Variants in PHF21B observed in about 807,000 individuals in gnomAD.
The protein encoded by PHF21B is PHD finger protein 21B, also known as PHD finger protein 4.
A neutral mutation model predicts 62.2 loss-of-function variants in PHF21B; 22 were observed. The observed-to-expected ratio is 0.35, with a 90% CI of 0.25 to 0.51. The LOEUF (loss-of-function observed/expected upper bound fraction) is 0.51, where lower values mean the gene tolerates loss of function less well. PHF21B is among the 20% of genes least tolerant of loss of function. The pLI, the probability that PHF21B is intolerant of heterozygous loss-of-function variation, is 0.97. For synonymous variants in PHF21B, 341 were observed against 314.7 expected, an observed-to-expected ratio of 1.08 and a Z score of -0.88; for missense variants, 701 against 707.9, an observed-to-expected ratio of 0.99 and a Z score of 0.11.
rs2073367683 is a variant in PHF21B, at chr22:45,008,525, G to A, written c.120+20C>T. ...ACCCTCCCGCCCCATCCCAGGGGGG[G>A]CCGCGATCCCATCGCTTACTTGTTT... On this transcript the variant is annotated intron_variant, in intron 2 of 12. Coordinates refer to ENST00000313237, the MANE Select transcript of PHF21B (RefSeq NM_138415.5). 5 of 1,557,974 alleles carry A rather than the reference G, an allele frequency of 3.2e-6. No homozygotes were observed. Among genetic ancestry groups the A allele is most frequent in the African/African-American group, 2.7e-5 (2 of 73,828 alleles).
chr22:44,917,886 G>C (rs1212101263), intron 3 of PHF21B, among the ~76,000 whole-genome samples: 1 of 152,200 alleles, frequency 6.6e-6, no homozygotes, highest in African/African-American at 2.4e-5. Flanking sequence ...CCAGTGCCTG[G>C]CACAGAGCTG....
At chr22:44,937,905 G>A (rs147650235) in intron 2 of PHF21B, among the ~76,000 whole-genome samples, 128 of 152,374 alleles carry the variant, frequency 8.4e-4, no homozygotes, top group African/African-American at 3.0e-3. Context: ...TCTCAACAGC[G>A]GGTGCTCTGC....
intron 2 of PHF21B, chr22:45,002,910 G>A (rs2073245810): frequency 6.6e-6 from 1 of 152,232 alleles, no homozygotes; most frequent in African/African-American, 2.4e-5. Context: ...TGACAAGCTT[G>A]GCCACCATCC....
At chr22:45,008,243 G>A (rs1460390409) in intron 2 of PHF21B, 4 of 258,740 alleles carry the variant, frequency 1.5e-5, no homozygotes, top group Non-Finnish European at 2.2e-5. Flanking sequence ...ACTCCGAGCC[G>A]GGAGAAATCG....
At chr22:45,000,674 T>C (rs2073199466) in intron 2 of PHF21B, 2 of 151,950 alleles carry the variant, frequency 1.3e-5, no homozygotes, top group South Asian at 2.1e-4. Flanking sequence ...CTCTTTGGAG[T>C]GGCTGATGCA....
At chr22:44,897,299 T>C (rs2071078293) in intron 5 of PHF21B, among the ~76,000 whole-genome samples, 1 of 152,128 alleles carries the variant, frequency 6.6e-6, no homozygotes, top group Non-Finnish European at 1.5e-5. Context: ...CCCGAGCCCC[T>C]ACCCTGCGGT....
chr22:44,928,271 C>T (rs763201070), intron 2 of PHF21B, among the ~76,000 whole-genome samples: 3 of 152,142 alleles, frequency 2.0e-5, no homozygotes, highest in Admixed American at 1.3e-4. Context: ...CCGCCGTCCT[C>T]GAACTGCCAG....
intron 3 of PHF21B, among the ~76,000 whole-genome samples, chr22:44,920,046 TAC>T (rs34268851): frequency 0.16 from 24,108 of 152,200 alleles, 2,116 homozygotes; most frequent in Middle Eastern, 0.2. Flanking sequence ...TAGTCAAAAA[TAC>T]ACACGACGGA....
intron 2 of PHF21B, among the ~76,000 whole-genome samples, chr22:44,962,487 G>A (rs887315958): frequency 7.9e-5 from 12 of 152,202 alleles, no homozygotes; most frequent in African/African-American, 2.7e-4. Context: ...AGCATTGCAA[G>A]TGAGTATCAC....
chr22:44,949,849 A>G (rs867402255), intron 2 of PHF21B, among the ~76,000 whole-genome samples: 9 of 152,134 alleles, frequency 5.9e-5, no homozygotes, highest in South Asian at 4.2e-4. Flanking sequence ...AGTTCAGGTG[A>G]TTTTTTCGGC....
intron 2 of PHF21B, among the ~76,000 whole-genome samples, chr22:45,007,779 G>A (rs1418596072): frequency 1.5e-5 from 2 of 132,756 alleles, no homozygotes; most frequent in African/African-American, 2.8e-5. Context: ...AGGGGCGGGA[G>A]CCAGGGGGCG....
intron 5 of PHF21B, among the ~76,000 whole-genome samples, chr22:44,910,780 T>C (rs2071331142): frequency 6.6e-6 from 1 of 152,218 alleles, no homozygotes; most frequent in Non-Finnish European, 1.5e-5. Flanking sequence ...AGTAAATTGG[T>C]ACCAGTAGAG....
chr22:44,897,038 C>T (rs955303868), intron 5 of PHF21B, among the ~76,000 whole-genome samples: 1 of 151,878 alleles, frequency 6.6e-6, no homozygotes, highest in Non-Finnish European at 1.5e-5. Flanking sequence ...ACCACCGTGC[C>T]CAGCTAATTT....
chr22:44,950,570 T>A lies in PHF21B; in HGVS notation c.121-30080A>T, dbSNP rs570601100. Among the ~76,000 whole-genome samples, 186 of 152,230 alleles carry A rather than the reference T, an allele frequency of 1.2e-3. 2 individuals are homozygous for A. The highest frequency in any genetic ancestry group is 4.3e-3 in the African/African-American group (180 of 41,520). On this transcript the variant is annotated intron_variant, in intron 2 of 12. Coordinates refer to ENST00000313237, the MANE Select transcript of PHF21B (RefSeq NM_138415.5). ...TCAATCATTGCTTCTGTTCTTCGTGTTCGTGTTTTTTTTTTTCTTTTGAAA... is the reference window on the plus strand; with the variant it reads ...TCAATCATTGCTTCTGTTCTTCGTGATCGTGTTTTTTTTTTTCTTTTGAAA...
chr22:44,977,713 G>A (rs897141923), intron 2 of PHF21B, among the ~76,000 whole-genome samples: 1 of 151,944 alleles, frequency 6.6e-6, no homozygotes, highest in African/African-American at 2.4e-5. Context: ...AGAGTAGCTG[G>A]GGCTACAGGT....
chr22:45,005,676 G>A (rs1479980436), intron 2 of PHF21B, among the ~76,000 whole-genome samples: 1 of 152,160 alleles, frequency 6.6e-6, no homozygotes, highest in East Asian at 1.9e-4. Flanking sequence ...CCTGGATAAC[G>A]GGGTCATCTG....
At chr22:44,915,226 A>G (rs948495676) in intron 4 of PHF21B, among the ~76,000 whole-genome samples, 1 of 152,252 alleles carries the variant, frequency 6.6e-6, no homozygotes, top group African/African-American at 2.4e-5. Flanking sequence ...AAGATCTCCA[A>G]TAAGAAAAAG....
At chr22:44,970,663 G>A (rs763225112) in intron 2 of PHF21B, among the ~76,000 whole-genome samples, 4 of 152,138 alleles carry the variant, frequency 2.6e-5, no homozygotes, top group East Asian at 1.9e-4. Flanking sequence ...AAAGCTCGCC[G>A]AACTGCTCTA....
At chr22:44,914,125 A>T (rs771887816) in intron 4 of PHF21B, 37 bp from the exon 5 acceptor site, 1 of 609,556 alleles carries the variant, frequency 1.6e-6, no homozygotes, top group South Asian at 2.2e-5. Flanking sequence ...GGAGGAAGGG[A>T]AGAGTGAGGG....
Sources: gnomAD v4.1 joint callset for allele counts (sites outside exome capture counted in the v4.1 genomes callset) on GRCh38, gnomAD v4.1.1 for gene constraint, MANE v1.5 for transcripts, NCBI Gene and HGNC (gene_info 2026-07-23, HGNC 2026-07-21) for gene names.